The following DEPDC1 variants were observed in gnomAD, a reference collection of about 807,000 sequenced individuals.
The protein encoded by DEPDC1 is DEP domain-containing protein 1A.
A neutral mutation model predicts 86.8 loss-of-function variants in DEPDC1; 66 were observed. The ratio of observed to expected loss-of-function variants is 0.76; its 90% confidence interval spans 0.62 to 0.93. DEPDC1 has a LOEUF of 0.93. DEPDC1 is among the 40% of genes least tolerant of loss of function. The pLI is 0.00. For missense variants in DEPDC1, 792 were observed against 935.7 expected (o/e 0.85, Z 2.00); for synonymous variants, 255 against 314.9 (o/e 0.81, Z 2.02).
intron 9 of DEPDC1, 110 bp downstream of exon 9, chr1:68,481,330 A>C: frequency 1.0e-6 from 1 of 986,196 alleles, no homozygotes; most frequent in Non-Finnish European, 1.5e-6. Context: ...CAACCTAAGA[A>C]TCTAGCACTT....
At chr1:68,484,860 G>A (rs1296998225) in intron 6 of DEPDC1, among the ~76,000 whole-genome samples, 2 of 150,730 alleles carry the variant, frequency 1.3e-5, no homozygotes, top group African/African-American at 4.9e-5. Flanking sequence ...TACTGACCTA[G>A]AAATGTTTGC....
intron 10 of DEPDC1, among the ~76,000 whole-genome samples, chr1:68,478,576 A>G (rs1041684823): frequency 1.3e-5 from 2 of 151,824 alleles, no homozygotes; most frequent in Non-Finnish European, 2.9e-5. Flanking sequence ...TGGGAAAAAC[A>G]TAAACATGTG....
intron 7 of DEPDC1, 76 bp from the exon 8 acceptor site, chr1:68,482,973 G>A: frequency 1.4e-6 from 2 of 1,432,786 alleles, no homozygotes; most frequent in Non-Finnish European, 1.9e-6. Flanking sequence ...CAATAGTAAA[G>A]TTAAAAAATA....
intron 2 of DEPDC1, among the ~76,000 whole-genome samples, chr1:68,491,976 C>T (rs1009003379): frequency 1.4e-5 from 2 of 147,828 alleles, no homozygotes; most frequent in Admixed American, 6.8e-5. Context: ...AGACTGGTCT[C>T]GAACTCCTGG....
rs1447269989 is a variant in DEPDC1 at position 68,477,795 on chromosome 1, G to GT, written c.2289dup (p.Leu764ThrfsTer22). The GT allele has an allele frequency of 2.0e-6, 3 of 1,512,204 alleles. No individual in the cohort carries two copies. The highest frequency in any genetic ancestry group is 2.1e-5 in the Admixed American group (1 of 48,336). The allele number at this position is 1,512,204 out of a possible 1,614,324, so 93.7% of individuals were successfully genotyped here. Reference sequence around the variant, plus strand: ...CTTGCTCATTCTCTTACCTGTTTTAGTTTTTTTCTTTTCTCCTTTAGAGGT... The same window carrying GT: ...CTTGCTCATTCTCTTACCTGTTTTAGTTTTTTTTCTTTTCTCCTTTAGAGGT... On this transcript the variant is annotated frameshift_variant, in exon 11 of 12. Coordinates refer to ENST00000456315, the MANE Select transcript of DEPDC1 (RefSeq NM_001114120.3). LOFTEE classifies it high-confidence loss of function.
chr1:68,488,362 A>G lies in DEPDC1; in HGVS notation c.721+12T>C. 3 of 1,565,138 alleles carry G rather than the reference A, an allele frequency of 1.9e-6. No homozygotes were observed. The highest frequency in any genetic ancestry group is 2.6e-6 in the Non-Finnish European group (3 of 1,163,938). On this transcript the variant is annotated intron_variant, in intron 5 of 11. Transcript: ENST00000456315. The stretch of plus-strand genomic sequence containing the variant: ...AAGTTTTTAAAAGTCCAATTATTTT[A>G]TTAATACCAACCTGATTTGTTTTGT...
rs766315169 is a variant in DEPDC1 at position 68,477,065 on chromosome 1, T to C, written c.2303A>G (p.Gln768Arg). The C allele has an allele frequency of 1.9e-6, 3 of 1,596,616 alleles. No homozygotes were observed. The highest frequency in any genetic ancestry group is 2.2e-5 in the East Asian group (1 of 44,552). The change falls in exon 12 of 12, where the codon CAG (glutamine) becomes CGG (arginine). Residue 768 changes from glutamine to arginine, a missense_variant. Coordinates refer to ENST00000456315, the MANE Select transcript of DEPDC1 (RefSeq NM_001114120.3). ...KEKRKKLKQF[Q>R]KEYPLIYQKR... ...CTGATATATCAAAGGATATTCCTTC[T>C]GAAACTTAAAAATGAGGTGAGAAAT...
Position 68,494,455 on chromosome 1 carries a change from C to T in DEPDC1, c.289G>A (p.Val97Ile), listed in dbSNP as rs756944044. 1 of 1,613,566 alleles carries T rather than the reference C, an allele frequency of 6.2e-7. No homozygotes were observed. Among genetic ancestry groups the T allele is most frequent in the South Asian group, 1.1e-5 (1 of 91,040 alleles). The change falls in exon 2 of 12, where the codon GTT (valine) becomes ATT (isoleucine). Residue 97 changes from valine (V) to isoleucine (I), a missense_variant. Physicochemically the swap from Val to Ile is conservative, Grantham distance 29. Coordinates refer to ENST00000456315, the MANE Select transcript of DEPDC1 (RefSeq NM_001114120.3). ...CTGAAGAGCTGGTTGTTATCATCAA[C>T]ATTTTCTGATCCCCACCTCCCTTTG... ...DIKGRWGSEN[V>I]DDNNQLFRFP...
Position 68,496,968 on chromosome 1 carries a change from T to C in DEPDC1, c.32A>G (p.Tyr11Cys). The C allele has an allele frequency of 1.2e-6, 2 of 1,612,542 alleles. No homozygotes were observed. The highest frequency in any genetic ancestry group is 1.1e-5 in the South Asian group (1 of 91,004). Residue 11 changes from tyrosine to cysteine, a missense_variant, in exon 1 of 12, where the codon TAT (tyrosine) becomes TGT (cysteine). By Grantham distance (194) the Tyr-to-Cys change is radical. Coordinates refer to ENST00000456315, the MANE Select transcript of DEPDC1 (RefSeq NM_001114120.3). The surrounding 1 kb of genome is among the most constrained non-coding windows in gnomAD (Gnocchi z 4.0). MESQGVPPGP[Y>C]RATKLWNEVT... is the part of the protein sequence containing the mutation. ...CTGTCTTACCAGCTTGGTGGCCCGA[T>C]AAGGCCCGGGAGGCACACCCTGACT... is the stretch of plus-strand genomic sequence containing the variant.
intron 2 of DEPDC1, among the ~76,000 whole-genome samples, chr1:68,491,006 C>G (rs1167457722): frequency 6.6e-6 from 1 of 152,060 alleles, no homozygotes; most frequent in Non-Finnish European, 1.5e-5. Context: ...AATGGGACAC[C>G]TTCTTACACC....
intron 9 of DEPDC1, among the ~76,000 whole-genome samples, chr1:68,480,781 C>T (rs567071213): frequency 4.6e-5 from 7 of 151,734 alleles, no homozygotes; most frequent in Admixed American, 6.6e-5. Context: ...TTTAATAACG[C>T]GTGGAAGAAA....
At chr1:68,481,313 G>T in intron 9 of DEPDC1, 127 bp downstream of exon 9, 1 of 817,984 alleles carries the variant, frequency 1.2e-6, no homozygotes, top group Admixed American at 2.9e-5. Context: ...AGGTTAAAGA[G>T]CCTTTCCAAC....
intron 9 of DEPDC1, among the ~76,000 whole-genome samples, chr1:68,479,817 A>T (rs1011848287): frequency 5.3e-5 from 8 of 151,990 alleles, no homozygotes; most frequent in African/African-American, 1.9e-4. Flanking sequence ...GAAAAAAAAA[A>T]AAAAAGTATA....
Position 68,494,482 on chromosome 1 carries a change from T to A in DEPDC1, c.262A>T (p.Ile88Phe), listed in dbSNP as rs1378791897. The A allele has an allele frequency of 1.9e-6, 3 of 1,613,788 alleles. No homozygotes were observed. The African/African-American group carries it at 4.0e-5, about 22-fold the overall frequency. ...TTTTCTGATCCCCACCTCCCTTTGATATCTTCAATTACATGATTCTTAAGA... is the reference window on the plus strand; with the variant it reads ...TTTTCTGATCCCCACCTCCCTTTGAAATCTTCAATTACATGATTCTTAAGA... ...KFLKNHVIEDIKGRWGSENVD... is the reference protein window; with the variant it reads ...KFLKNHVIEDFKGRWGSENVD... Residue 88 changes from isoleucine (I) to phenylalanine (F), a missense_variant, in exon 2 of 12, where the codon ATC becomes TTC. Coordinates refer to ENST00000456315, the MANE Select transcript of DEPDC1 (RefSeq NM_001114120.3).
Position 68,489,474 on chromosome 1 carries a change from C to A in DEPDC1, c.449G>T (p.Arg150Met). The change falls in exon 3 of 12, where the codon AGG becomes ATG. Residue 150 changes from arginine to methionine, a missense_variant. Arg to Met is a moderately conservative substitution (Grantham distance 91, BLOSUM62 -1). Transcript: ENST00000456315. ...TACCTGAGATAAATGTAATCCATGC[C>A]TTTTAGGAGTTCTACGAGATAAGTT... ...LRNLSRRTPKRHGLHLSQENG... is the reference protein window; with the variant it reads ...LRNLSRRTPKMHGLHLSQENG... 6.6e-7 allele frequency: 1 copy of A among 1,514,358 alleles called. No homozygotes were observed. Among genetic ancestry groups the A allele is most frequent in the Non-Finnish European group, 8.8e-7 (1 of 1,141,780 alleles). 93.8% of individuals were successfully genotyped at this position (1,514,358 alleles called of 1,614,324 possible). A position where few individuals can be genotyped will look rare whatever the true frequency, so the allele number is the denominator to read the frequency against.
rs1187697681 is a variant in DEPDC1 at position 68,482,093 on chromosome 1, G to T, written c.1715C>A (p.Ser572Ter). 1.2e-6 allele frequency: 2 copies of T among 1,604,208 alleles called. No individual in the cohort carries two copies. The highest frequency in any genetic ancestry group is 1.7e-5 in the Admixed American group (1 of 57,596). Residue 572 changes from serine to a stop codon, truncating the protein, a stop_gained, in exon 8 of 12, where the codon TCA becomes TAA. Transcript: ENST00000456315. LOFTEE classifies it high-confidence loss of function. ...AGAAGCTGGAAGTAAAGAATTTTCT[G>T]AAAGTTCTATTGTACTTTTGCAGAG... ...KRLCKSTIEL[S>*]ENSLLPASSM...
chr1:68,492,182 A>G (rs1646233383), intron 2 of DEPDC1, among the ~76,000 whole-genome samples: 1 of 152,220 alleles, frequency 6.6e-6, no homozygotes, highest in Non-Finnish European at 1.5e-5. Context: ...CTGCTTATCA[A>G]GTTCCACAAA....
chr1:68,480,347 A>C (rs10493446), intron 9 of DEPDC1, among the ~76,000 whole-genome samples: 71,678 of 151,682 alleles, frequency 0.47, 18,156 homozygotes, highest in Middle Eastern at 0.76. Flanking sequence ...GTAGATGATC[A>C]GAATATTTAT....
At chr1:68,481,767 A>C in intron 8 of DEPDC1, 155 bp from the exon 9 acceptor site, 1 of 667,112 alleles carries the variant, frequency 1.5e-6, no homozygotes, top group African/African-American at 1.8e-5. Flanking sequence ...GCATGGTAAG[A>C]TTCTCATTAT....
Sources: allele counts gnomAD v4.1 joint callset (sites outside exome capture counted in the v4.1 genomes callset), GRCh38; gene constraint gnomAD v4.1.1; non-coding constraint Gnocchi (gnomAD v3.1); transcripts MANE v1.5; gene names NCBI Gene and HGNC (gene_info 2026-07-23, HGNC 2026-07-21).